NLRC5: variants seen among roughly 807,000 people sequenced by gnomAD.
NLRC5 encodes protein NLRC5.
A neutral mutation model predicts 206.9 loss-of-function variants in NLRC5; 114 were observed. The ratio of observed to expected loss-of-function variants is 0.55; its 90% CI spans 0.47 to 0.64. The LOEUF is 0.64. NLRC5 is among the 30% of genes least tolerant of loss of function. The pLI, the probability that NLRC5 is intolerant of heterozygous loss-of-function variation, is 0.00. For synonymous variants in NLRC5, 952 were observed against 962.8 expected (o/e 0.99, Z 0.21); for missense variants, 2,008 against 2,305.5 (o/e 0.87, Z 2.64).
chr16:57,047,929 C>A (rs1486655276), intron 23 of NLRC5: 1 of 429,186 alleles, frequency 2.3e-6, no homozygotes, highest in Non-Finnish European at 4.3e-6. Flanking sequence ...ACCCCTGGAG[C>A]CTCACCAGGG....
chr16:57,072,788 G>A (rs1366808768), intron 38 of NLRC5, among the ~76,000 whole-genome samples: 1 of 152,132 alleles, frequency 6.6e-6, no homozygotes, highest in African/African-American at 2.4e-5. Flanking sequence ...GAAAACTTCT[G>A]TTGAACGGTT....
intron 30 of NLRC5, among the ~76,000 whole-genome samples, chr16:57,059,897 CAAGT>C (rs1471161310): frequency 2.0e-5 from 3 of 151,988 alleles, no homozygotes; most frequent in Non-Finnish European, 2.9e-5. Context: ...TGGCCCTGGA[CAAGT>C]AAAATGGGGA....
rs756373647 is a variant in NLRC5 at position 57,025,421 on chromosome 16, A to G, written c.478A>G (p.Arg160Gly). Residue 160 changes from arginine (R) to glycine (G), a missense_variant, in exon 6 of 49, where the codon AGG becomes GGG. By Grantham distance (125) the Arg-to-Gly change is moderately radical. Transcript: ENST00000688547. Reference sequence around the variant, plus strand: ...GCGGACCTCTGCCCAGCAGCGCTACAGGAGCCAAATCCCTGGGTCAGGGCA... The same window carrying G: ...GCGGACCTCTGCCCAGCAGCGCTACGGGAGCCAAATCCCTGGGTCAGGGCA... ...LLRTSAQQRY[R>G]SQIPGSGQPH... The G allele has an allele frequency of 6.3e-7, 1 of 1,581,254 alleles. No individual in the cohort carries two copies. The highest frequency in any genetic ancestry group is 8.6e-7 in the Non-Finnish European group (1 of 1,164,842).
intron 1 of NLRC5, among the ~76,000 whole-genome samples, chr16:56,998,309 A>G (rs962735864): frequency 6.6e-6 from 1 of 151,588 alleles, no homozygotes; most frequent in East Asian, 1.9e-4. Flanking sequence ...GCTGATATCT[A>G]TTTTACTCAC....
rs2069358938 is a variant in NLRC5 at position 57,083,366 on chromosome 16, T to G, written c.*838T>G. On this transcript the variant is annotated 3_prime_UTR_variant, in exon 49 of 49. Coordinates refer to ENST00000688547, the MANE Select transcript of NLRC5 (RefSeq NM_001384950.1). ...AGGGGGCACTGCCAAGACAATAAGCTAGGCTACTGGGTCCAGCTACTACTT... is the reference window on the plus strand; with the variant it reads ...AGGGGGCACTGCCAAGACAATAAGCGAGGCTACTGGGTCCAGCTACTACTT... 6.6e-6 allele frequency: 1 copy of G among 151,654 alleles called. No homozygotes were observed. The highest frequency in any genetic ancestry group is 1.5e-5 in the Non-Finnish European group (1 of 68,080). 9.4% of individuals were successfully genotyped at this position (151,654 alleles called of 1,614,324 possible).
At chr16:57,030,498 G>GGGTGGATGAAAA (rs768863738) in intron 10 of NLRC5, among the ~76,000 whole-genome samples, 487 of 150,468 alleles carry the variant, frequency 3.2e-3, no homozygotes, top group Middle Eastern at 0.01. Flanking sequence ...AAAGATGGAT[G>GGGTGGATGAAAA]GATGGATGGA....
chr16:57,054,895 C>G, intron 25 of NLRC5, 55 bp downstream of exon 25: 1 of 1,592,514 alleles, frequency 6.3e-7, no homozygotes, highest in Admixed American at 1.7e-5. Context: ...TGCCTGGAGT[C>G]TGGTGGGTAT....
At chr16:57,053,430 A>G (rs1886843521) in intron 24 of NLRC5, among the ~76,000 whole-genome samples, 1 of 151,936 alleles carries the variant, frequency 6.6e-6, no homozygotes. Context: ...AGGAAGAGAG[A>G]GATGGGCTCG....
intron 1 of NLRC5, among the ~76,000 whole-genome samples, chr16:56,996,240 C>T (rs1455300723): frequency 9.2e-5 from 14 of 152,132 alleles, no homozygotes; most frequent in Non-Finnish European, 1.6e-4. Context: ...TGCACAGCTC[C>T]GTGCATAGTT....
intron 1 of NLRC5, among the ~76,000 whole-genome samples, chr16:57,001,599 T>C (rs2058263920): frequency 6.6e-6 from 1 of 152,198 alleles, no homozygotes; most frequent in Non-Finnish European, 1.5e-5. Context: ...GAACCTTTTT[T>C]TTATTTTTCA....
At position 57,046,543 on chromosome 16, in the gene NLRC5, C is replaced by G; in HGVS notation, c.3249-9C>G. 1 of 1,612,352 alleles carries G rather than the reference C, an allele frequency of 6.2e-7. No individual in the cohort carries two copies. Among genetic ancestry groups the G allele is most frequent in the Non-Finnish European group, 8.5e-7 (1 of 1,178,616 alleles). Reference sequence around the variant, plus strand: ...CTGAACTTTCCTTTCTAAATGATCCCCCTCCTAGGGATATGTGGGCCACTG... The same window carrying G: ...CTGAACTTTCCTTTCTAAATGATCCGCCTCCTAGGGATATGTGGGCCACTG... On this transcript the variant is annotated splice_polypyrimidine_tract_variant and intron_variant, in intron 21 of 48. Coordinates refer to ENST00000688547, the MANE Select transcript of NLRC5 (RefSeq NM_001384950.1).
intron 10 of NLRC5, 51 bp from the exon 11 acceptor site, chr16:57,031,353 T>C: frequency 1.3e-6 from 2 of 1,590,274 alleles, no homozygotes; most frequent in Non-Finnish European, 1.7e-6. Flanking sequence ...TGGTGGGTGA[T>C]GTGCTGGTTT....
At chr16:57,019,048 G>A (rs1234084435) in intron 2 of NLRC5, among the ~76,000 whole-genome samples, 3 of 152,192 alleles carry the variant, frequency 2.0e-5, no homozygotes, top group African/African-American at 7.2e-5. Context: ...TTAGGCTTTT[G>A]CTGTGTAAAT....
At chr16:57,001,381 A>T (rs1055149760) in intron 1 of NLRC5, among the ~76,000 whole-genome samples, 6 of 152,132 alleles carry the variant, frequency 3.9e-5, no homozygotes, top group African/African-American at 1.4e-4. Context: ...CCATCCCAAG[A>T]CCTAATGGGA....
At chr16:57,018,290 C>T (rs2060292890) in intron 2 of NLRC5, among the ~76,000 whole-genome samples, 1 of 152,234 alleles carries the variant, frequency 6.6e-6, no homozygotes, top group African/African-American at 2.4e-5. Flanking sequence ...CTGGTGCCAT[C>T]TAGGCCTCCA....
chr16:57,042,076 C>A lies in NLRC5; in HGVS notation c.3113+11C>A. ...TCTGCAGTCCTTGAAGTGAGTAGCC[C>A]GCTAGGCAGAGCCTCTGAGGCTGGG... On this transcript the variant is annotated intron_variant, in intron 19 of 48. Transcript: ENST00000688547. 2.0e-6 allele frequency: 3 copies of A among 1,504,524 alleles called. No homozygotes were observed. Among genetic ancestry groups the A allele is most frequent in the South Asian group, 1.3e-5 (1 of 76,128 alleles). The allele number at this position is 1,504,524 out of a possible 1,614,324, so 93.2% of individuals were successfully genotyped here. A position where few individuals can be genotyped will look rare whatever the true frequency, so the allele number is the denominator to read the frequency against.
intron 1 of NLRC5, among the ~76,000 whole-genome samples, chr16:56,998,845 C>T (rs1399199711): frequency 6.6e-6 from 1 of 152,218 alleles, no homozygotes; most frequent in Non-Finnish European, 1.5e-5. Context: ...GTGGTTACAC[C>T]AAACTTTATT....
chr16:56,996,411 C>G (rs569996855), intron 1 of NLRC5, among the ~76,000 whole-genome samples: 162 of 152,288 alleles, frequency 1.1e-3, no homozygotes, highest in African/African-American at 3.6e-3. Context: ...ATCTCAAACT[C>G]CTGAGCTCAA....
intron 22 of NLRC5, 117 bp downstream of exon 22, chr16:57,046,758 T>A: frequency 2.4e-6 from 2 of 831,444 alleles, no homozygotes; most frequent in Non-Finnish European, 3.8e-6. Context: ...AGAGGGAGTT[T>A]AAGAGAAAAG....
Sources: gnomAD v4.1 joint callset for allele counts (sites outside exome capture counted in the v4.1 genomes callset) on GRCh38, gnomAD v4.1.1 for gene constraint, MANE v1.5 for transcripts, NCBI Gene and HGNC (gene_info 2026-07-23, HGNC 2026-07-21) for gene names.